Variants in IGSF21 observed in about 807,000 individuals in gnomAD.
IGSF21 encodes the protein immunoglobulin superfamily member 21.
In IGSF21, 28 loss-of-function variants were observed where a neutral mutation model predicts 46.8. The ratio of observed to expected loss-of-function variants is 0.60; its 90% CI spans 0.44 to 0.82. IGSF21 has a LOEUF of 0.82. Ranked by LOEUF, IGSF21 falls within the 40% of genes least tolerant of loss-of-function variation. The probability of loss-of-function intolerance (pLI) is 0.00; values close to 1 mark genes in which losing one functional copy is unlikely to be tolerated. For synonymous variants in IGSF21, 284 were observed against 273.6 expected, an observed-to-expected ratio of 1.04 and a Z score of -0.38; for missense variants, 624 against 665.5, an observed-to-expected ratio of 0.94 and a Z score of 0.69.
chr1:18,287,159 C>G (rs1341702621), intron 2 of IGSF21, among the ~76,000 whole-genome samples: 7 of 129,598 alleles, frequency 5.4e-5, no homozygotes, highest in African/African-American at 2.0e-4. Context: ...CCAGCCTGGG[C>G]GACAGAGCGA....
intron 1 of IGSF21, chr1:18,111,535 G>C (rs1415048921): frequency 6.6e-6 from 1 of 152,158 alleles, no homozygotes; most frequent in African/African-American, 2.4e-5. Flanking sequence ...TGGATGCTGG[G>C]GATGAGGCCC....
At chr1:18,142,173 C>T (rs1183704609) in intron 1 of IGSF21, among the ~76,000 whole-genome samples, 17 of 152,146 alleles carry the variant, frequency 1.1e-4, no homozygotes, top group Non-Finnish European at 2.9e-5. Context: ...GAGAAACAAG[C>T]ACGTGCTTCT....
chr1:18,210,801 C>T lies in IGSF21; in HGVS notation c.71-17097C>T, dbSNP rs377201354. 2.0e-5 allele frequency among the ~76,000 whole-genome samples: 3 copies of T among 152,144 alleles called. No homozygotes were observed. The East Asian group carries it at 5.8e-4, about 29-fold the overall frequency. ...AATGTCTTCAGACATTGCCAAGTGT[C>T]CCCTGGGGGTCAAAAATCACCCCTG... On this transcript the variant is annotated intron_variant, in intron 1 of 9. Coordinates refer to ENST00000251296, the MANE Select transcript of IGSF21 (RefSeq NM_032880.5).
chr1:18,194,679 A>T (rs906740649), intron 1 of IGSF21, among the ~76,000 whole-genome samples: 2 of 152,192 alleles, frequency 1.3e-5, no homozygotes, highest in Admixed American at 1.3e-4. Flanking sequence ...CTCTTAACTA[A>T]TTACAACTGC....
chr1:18,174,788 C>A (rs1353790936), intron 1 of IGSF21, among the ~76,000 whole-genome samples: 1 of 152,224 alleles, frequency 6.6e-6, no homozygotes, highest in African/African-American at 2.4e-5. Flanking sequence ...CGACGACACA[C>A]TCTGCCTGGC....
chr1:18,148,431 C>T (rs1215840855), intron 1 of IGSF21, among the ~76,000 whole-genome samples: 3 of 152,194 alleles, frequency 2.0e-5, no homozygotes, highest in Non-Finnish European at 2.9e-5. Context: ...CATGCCCGGC[C>T]TCAAGTATGT....
In IGSF21 at chr1:18,276,576, T is replaced by C. The variant is rs115326775; in HGVS notation, c.184-15290T>C. Among the ~76,000 whole-genome samples the C allele has an allele frequency of 2.4e-3, 362 of 152,334 alleles. 1 individual carries two copies. Among genetic ancestry groups the C allele is most frequent in the African/African-American group, 7.3e-3 (302 of 41,576 alleles). ...CGTAGACCCCCCGACCCCCGCCATC[T>C]CTAATGCAGGAATCTCAAAGAATAT... On this transcript the variant is annotated intron_variant, in intron 2 of 9. Transcript: ENST00000251296.
At chr1:18,369,718 G>A (rs1169778636) in intron 6 of IGSF21, among the ~76,000 whole-genome samples, 3 of 152,194 alleles carry the variant, frequency 2.0e-5, no homozygotes, top group Non-Finnish European at 4.4e-5. Context: ...CAACGAGGGT[G>A]GGATGTGTCT....
At chr1:18,357,754 G>A (rs990202823) in intron 4 of IGSF21, among the ~76,000 whole-genome samples, 12 of 152,202 alleles carry the variant, frequency 7.9e-5, no homozygotes, top group South Asian at 2.1e-4. Context: ...CCTGACTGCC[G>A]GCACTCAGAG....
rs1387490150 is a variant in IGSF21 at position 18,338,152 on chromosome 1, A to G, written c.424+3142A>G. Among the ~76,000 whole-genome samples the G allele has an allele frequency of 3.4e-4, 51 of 152,156 alleles. 1 individual carries two copies. Among genetic ancestry groups the G allele is most frequent in the Admixed American group, 3.3e-3 (51 of 15,272 alleles). On this transcript the variant is annotated intron_variant, in intron 4 of 9. Transcript: ENST00000251296. The stretch of plus-strand genomic sequence containing the variant: ...TTAAAGGAGATAATCTATAGAACAG[A>G]ATGTTCTGGGCCTGAGGCTTGGCAC...
chr1:18,370,734 A>G (rs2086216188), intron 6 of IGSF21, among the ~76,000 whole-genome samples: 1 of 152,216 alleles, frequency 6.6e-6, no homozygotes, highest in African/African-American at 2.4e-5. Flanking sequence ...TAACCAGAAT[A>G]TATAAAGAAC....
intron 1 of IGSF21, among the ~76,000 whole-genome samples, chr1:18,181,290 T>C (rs1257444229): frequency 6.6e-6 from 1 of 152,230 alleles, no homozygotes; most frequent in East Asian, 1.9e-4. Context: ...CAAATAGACA[T>C]AAGCCACTGC....
At position 18,273,460 on chromosome 1, in the gene IGSF21, CTCTCTT is replaced by C. The variant is rs1164495765; in HGVS notation, c.184-18402_184-18397del. 1.8e-4 allele frequency among the ~76,000 whole-genome samples: 10 copies of C among 56,412 alleles called. 1 individual carries two copies. The highest frequency in any genetic ancestry group is 2.3e-4 in the Non-Finnish European group (7 of 29,878). 37.0% of individuals were successfully genotyped at this position (56,412 alleles called of 152,430 possible). A position where few individuals can be genotyped will look rare whatever the true frequency, so the allele number is the denominator to read the frequency against. On this transcript the variant is annotated intron_variant, in intron 2 of 9. Coordinates refer to ENST00000251296, the MANE Select transcript of IGSF21 (RefSeq NM_032880.5). ...TTTCTTTCTCACTTTCTTTCTTTCT[CTCTCTT>C]TCTTTCTTTCTTTCTTTCTTTCTTT...
intron 2 of IGSF21, among the ~76,000 whole-genome samples, chr1:18,283,880 G>GA (rs1355836312): frequency 2.6e-5 from 4 of 152,018 alleles, no homozygotes; most frequent in African/African-American, 2.4e-5. Context: ...GCATCCAAAA[G>GA]AAAAAATGAT....
At chr1:18,117,018 C>T (rs552545288) in intron 1 of IGSF21, among the ~76,000 whole-genome samples, 5 of 152,262 alleles carry the variant, frequency 3.3e-5, no homozygotes, top group South Asian at 2.1e-4. Context: ...GCTAGGAAAG[C>T]GGTCTGGATT....
intron 2 of IGSF21, among the ~76,000 whole-genome samples, chr1:18,272,646 GT>G (rs2085053842): frequency 4.6e-5 from 7 of 152,242 alleles, no homozygotes; most frequent in Admixed American, 3.9e-4. Flanking sequence ...GGAATGAGTG[GT>G]TTGGAAGAAG....
intron 1 of IGSF21, among the ~76,000 whole-genome samples, chr1:18,108,684 TTGTGTCAC>T (rs1193470427): frequency 6.6e-6 from 1 of 151,748 alleles, no homozygotes; most frequent in Non-Finnish European, 1.5e-5. Flanking sequence ...GTGTGTGAGC[TTGTGTCAC>T]TGTGGGTGTG....
At chr1:18,121,323 G>A (rs1321108396) in intron 1 of IGSF21, among the ~76,000 whole-genome samples, 7 of 152,236 alleles carry the variant, frequency 4.6e-5, no homozygotes, top group South Asian at 2.1e-4. Context: ...TGGCTTCTAC[G>A]TGGAGATAAA....
chr1:18,233,511 A>AT (rs1297357191), intron 2 of IGSF21, among the ~76,000 whole-genome samples: 1 of 152,204 alleles, frequency 6.6e-6, no homozygotes, highest in Non-Finnish European at 1.5e-5. Flanking sequence ...GCCTTTTAGA[A>AT]ACTTCACCTG....
Sources: allele counts gnomAD v4.1 joint callset (sites outside exome capture counted in the v4.1 genomes callset), GRCh38; gene constraint gnomAD v4.1.1; transcripts MANE v1.5; gene names NCBI Gene and HGNC (gene_info 2026-07-23, HGNC 2026-07-21).